Variants in KCNK1 observed in about 807,000 individuals in gnomAD.
The protein encoded by KCNK1 is potassium channel subfamily K member 1.
In KCNK1, 10 loss-of-function variants were observed where a neutral mutation model predicts 22.2. That is an observed-to-expected ratio of 0.45 (90% CI 0.28 to 0.76). The LOEUF (loss-of-function observed/expected upper bound fraction) is 0.76, where lower values mean the gene tolerates loss of function less well. KCNK1 is among the 30% of genes least tolerant of loss of function. The pLI is 0.14. For synonymous variants in KCNK1, 200 were observed against 186.4 expected (o/e 1.07, Z -0.60); for missense variants, 378 against 421.0 (o/e 0.90, Z 0.89).
chr1:233,614,499 T>A lies in KCNK1; in HGVS notation c.328T>A (p.Phe110Ile). 1 of 1,608,020 alleles carries A rather than the reference T, an allele frequency of 6.2e-7. No homozygotes were observed. ...CTGGGACTTCACCTCCGCGCTCTTC[T>A]TCGCCAGCACCGTGCTCTCCACCAC... ...WNWDFTSALF[F>I]ASTVLSTTGY... Residue 110 changes from phenylalanine to isoleucine, a missense_variant, in exon 1 of 3, where the codon TTC (phenylalanine) becomes ATC (isoleucine). Phe to Ile is a conservative substitution (Grantham distance 21). Coordinates refer to ENST00000366621, the MANE Select transcript of KCNK1 (RefSeq NM_002245.4).
intron 1 of KCNK1, among the ~76,000 whole-genome samples, chr1:233,656,795 T>C (rs752018486): frequency 3.3e-5 from 5 of 152,082 alleles, no homozygotes; most frequent in Non-Finnish European, 7.4e-5. Flanking sequence ...ATTTATTTAG[T>C]TTTTGTATAG....
chr1:233,671,194 G>C, intron 2 of KCNK1, 77 bp from the exon 3 acceptor site: 1 of 1,303,968 alleles, frequency 7.7e-7, no homozygotes. Flanking sequence ...TTGGCATGAG[G>C]TGGGGAGGTA....
intron 1 of KCNK1, among the ~76,000 whole-genome samples, chr1:233,623,935 C>T (rs968070777): frequency 5.3e-5 from 8 of 152,090 alleles, no homozygotes; most frequent in African/African-American, 1.4e-4. Context: ...TGAAACTATT[C>T]AAGTCAAAAA....
intron 1 of KCNK1, among the ~76,000 whole-genome samples, chr1:233,620,068 A>AT (rs941823377): frequency 3.3e-5 from 5 of 152,302 alleles, no homozygotes; most frequent in South Asian, 2.1e-4. Flanking sequence ...ACAAAAAAAA[A>AT]GAAAAAGAAA....
chr1:233,623,905 T>TA (rs1558108153), intron 1 of KCNK1, among the ~76,000 whole-genome samples: 1 of 151,768 alleles, frequency 6.6e-6, no homozygotes, highest in Non-Finnish European at 1.5e-5. Context: ...AAGCTTTCTT[T>TA]AAAAAAAAGA....
chr1:233,627,086 G>T lies in KCNK1; in HGVS notation c.355+12560G>T, dbSNP rs1380665436. Among the ~76,000 whole-genome samples the T allele has an allele frequency of 2.0e-5, 3 of 151,970 alleles. No individual in the cohort carries two copies. In the East Asian group the frequency reaches 5.8e-4, roughly 29 times the overall value. On this transcript the variant is annotated intron_variant, in intron 1 of 2. Transcript: ENST00000366621. ...AATAAACACATTGACGATTTTTACAGTTTGTACTGATGGGAGGATTTTCAT... is the reference window on the plus strand; with the variant it reads ...AATAAACACATTGACGATTTTTACATTTTGTACTGATGGGAGGATTTTCAT...
chr1:233,656,545 A>G (rs1658300732), intron 1 of KCNK1, among the ~76,000 whole-genome samples: 1 of 152,218 alleles, frequency 6.6e-6, no homozygotes, highest in Non-Finnish European at 1.5e-5. Flanking sequence ...TTTGTTGGGT[A>G]TGACAAGAAT....
At chr1:233,643,432 C>T (rs1658037225) in intron 1 of KCNK1, among the ~76,000 whole-genome samples, 1 of 152,158 alleles carries the variant, frequency 6.6e-6, no homozygotes, top group African/African-American at 2.4e-5. Flanking sequence ...CATTTTCTTT[C>T]ACAGTAAAAC....
chr1:233,655,183 G>T (rs894286131), intron 1 of KCNK1, among the ~76,000 whole-genome samples: 1 of 152,224 alleles, frequency 6.6e-6, no homozygotes, highest in Non-Finnish European at 1.5e-5. Context: ...TTTGGACTTT[G>T]CTAGGGACCT....
intron 1 of KCNK1, among the ~76,000 whole-genome samples, chr1:233,659,469 C>T (rs1490510921): frequency 1.3e-5 from 2 of 149,996 alleles, no homozygotes; most frequent in Non-Finnish European, 3.0e-5. Flanking sequence ...CAGCTTCAGG[C>T]AAGTCCTGTA....
chr1:233,614,194 G>A lies in KCNK1; in HGVS notation c.23G>A (p.Ser8Asn), dbSNP rs750477599. ...AAGATGCTGCAGTCCCTGGCCGGCA[G>A]CTCGTGCGTGCGCCTGGTGGAGCGG... MLQSLAG[S>N]SCVRLVERHR... is the part of the protein sequence containing the mutation. The change falls in exon 1 of 3, where the codon AGC becomes AAC. Residue 8 changes from serine (S) to asparagine (N), a missense_variant. By Grantham distance (46) the Ser-to-Asn change is conservative (BLOSUM62 1). Coordinates refer to ENST00000366621, the MANE Select transcript of KCNK1 (RefSeq NM_002245.4). The A allele has an allele frequency of 6.2e-7, 1 of 1,606,874 alleles. No individual in the cohort carries two copies. Among genetic ancestry groups the A allele is most frequent in the Non-Finnish European group, 8.5e-7 (1 of 1,179,378 alleles).
intron 1 of KCNK1, among the ~76,000 whole-genome samples, chr1:233,657,733 A>G (rs79972457): frequency 1.3e-5 from 2 of 152,098 alleles, no homozygotes; most frequent in African/African-American, 2.4e-5. Context: ...AGAGAGAAAG[A>G]CAGCCTGGTC....
intron 1 of KCNK1, among the ~76,000 whole-genome samples, chr1:233,615,667 C>T (rs989986138): frequency 6.6e-6 from 1 of 151,644 alleles, no homozygotes; most frequent in Non-Finnish European, 1.5e-5. Flanking sequence ...TTTGTAACCC[C>T]CCACCCTCAA....
chr1:233,657,203 A>G (rs1027425995), intron 1 of KCNK1, among the ~76,000 whole-genome samples: 6 of 152,124 alleles, frequency 3.9e-5, no homozygotes, highest in African/African-American at 1.4e-4. Flanking sequence ...CCACCTTTTC[A>G]CGAGAGCTGC....
In KCNK1 at chr1:233,614,461, C is replaced by T; in HGVS notation, c.290C>T (p.Ser97Leu). The change falls in exon 1 of 3, where the codon TCG becomes TTG. Residue 97 changes from serine to leucine, a missense_variant. By Grantham distance (145) the Ser-to-Leu change is moderately radical. Transcript: ENST00000366621. ...GGCGTGTCGGTGCTCAGCAACGCCT[C>T]GGGCAACTGGAACTGGGACTTCACC... ...NYGVSVLSNA[S>L]GNWNWDFTSA... 1 of 1,613,182 alleles carries T rather than the reference C, an allele frequency of 6.2e-7. No individual in the cohort carries two copies. The highest frequency in any genetic ancestry group is 8.5e-7 in the Non-Finnish European group (1 of 1,179,712).
rs201127983 is a variant in KCNK1, at chr1:233,618,875, T to TC, written c.355+4351dup. On this transcript the variant is annotated intron_variant, in intron 1 of 2. Transcript: ENST00000366621. ...CTCCAGCCTGGCGACAGAGCAAGAC[T>TC]CCATCTCAAAAAAACAAAGAAACAT... is the stretch of plus-strand genomic sequence containing the variant. Among the ~76,000 whole-genome samples, 629 of 152,170 alleles carry TC rather than the reference T, an allele frequency of 4.1e-3. 4 individuals are homozygous for TC. The highest frequency in any genetic ancestry group is 0.014 in the African/African-American group (599 of 41,506).
intron 1 of KCNK1, among the ~76,000 whole-genome samples, chr1:233,643,953 G>A (rs1658045500): frequency 6.6e-6 from 1 of 152,178 alleles, no homozygotes; most frequent in African/African-American, 2.4e-5. Flanking sequence ...CAATAAAACT[G>A]CCACCCATTT....
chr1:233,642,024 G>A (rs756915038), intron 1 of KCNK1, among the ~76,000 whole-genome samples: 4 of 152,170 alleles, frequency 2.6e-5, no homozygotes, highest in Admixed American at 6.5e-5. Flanking sequence ...TTAGCTTTTG[G>A]TGGAGAGGTG....
intron 1 of KCNK1, among the ~76,000 whole-genome samples, chr1:233,619,392 G>A (rs1657538830): frequency 1.3e-5 from 2 of 152,126 alleles, no homozygotes; most frequent in South Asian, 2.1e-4. Context: ...ATGAAGAGAT[G>A]CATTGAAACT....
Sources: allele counts gnomAD v4.1 joint callset (sites outside exome capture counted in the v4.1 genomes callset), GRCh38; gene constraint gnomAD v4.1.1; transcripts MANE v1.5; gene names NCBI Gene and HGNC (gene_info 2026-07-23, HGNC 2026-07-21).